The following WWC1 variants were observed in gnomAD, a reference collection of about 807,000 sequenced individuals.
WWC1 encodes the protein protein KIBRA.
In WWC1, 55 loss-of-function variants were observed where a neutral mutation model predicts 138.4. That is an observed-to-expected ratio of 0.40 (90% CI 0.32 to 0.50). The LOEUF is 0.50. WWC1 is among the 20% of genes least tolerant of loss of function. The pLI, the probability that WWC1 is intolerant of heterozygous loss-of-function variation, is 0.72. For missense variants in WWC1, 1,226 were observed against 1,420.4 expected (o/e 0.86, Z 2.20); for synonymous variants, 524 against 564.9 (o/e 0.93, Z 1.03).
chr5:168,307,186 G>A (rs1026969891), intron 1 of WWC1, among the ~76,000 whole-genome samples: 7 of 152,258 alleles, frequency 4.6e-5, no homozygotes, highest in African/African-American at 9.6e-5. Context: ...TGCAGATGAG[G>A]AAATTGAAGC....
At chr5:168,377,051 C>G (rs946013659) in intron 2 of WWC1, among the ~76,000 whole-genome samples, 3 of 152,082 alleles carry the variant, frequency 2.0e-5, no homozygotes, top group African/African-American at 7.2e-5. Flanking sequence ...CTGCAGTATC[C>G]AAAACAGCAT....
rs1554118704 is a variant in WWC1, at chr5:168,465,576, T to TTTTG, written c.3150+614_3150+615insTTTG. On this transcript the variant is annotated intron_variant, in intron 21 of 22. Coordinates refer to ENST00000265293, the MANE Select transcript of WWC1 (RefSeq NM_015238.3). ...TTTTTTTTTTTTTTTTTTTTTTTTTTGGAGATGGGTTTTCTCTCTGTCGCC... is the reference window on the plus strand; with the variant it reads ...TTTTTTTTTTTTTTTTTTTTTTTTTTTTTGGGAGATGGGTTTTCTCTCTGTCGCC... Among the ~76,000 whole-genome samples, 22 of 136,130 alleles carry TTTTG rather than the reference T, an allele frequency of 1.6e-4. 2 individuals are homozygous for TTTTG. The highest frequency in any genetic ancestry group is 5.8e-4 in the African/African-American group (20 of 34,530). The allele number at this position is 136,130 out of a possible 152,430, so 89.3% of individuals were successfully genotyped here. A position where few individuals can be genotyped will look rare whatever the true frequency, so the allele number is the denominator to read the frequency against.
chr5:168,345,404 C>T (rs1774383087), intron 1 of WWC1, among the ~76,000 whole-genome samples: 1 of 152,208 alleles, frequency 6.6e-6, no homozygotes, highest in Admixed American at 6.5e-5. Flanking sequence ...GCCTGAAATC[C>T]TTCCCTTTTA....
At chr5:168,456,468 G>A (rs921785162) in intron 19 of WWC1, among the ~76,000 whole-genome samples, 1 of 152,008 alleles carries the variant, frequency 6.6e-6, no homozygotes, top group Non-Finnish European at 1.5e-5. Context: ...TCCTGTCTCT[G>A]CTAAAAATGC....
At chr5:168,451,077 A>G (rs1297199243) in intron 17 of WWC1, among the ~76,000 whole-genome samples, 1 of 74,456 alleles carries the variant, frequency 1.3e-5, no homozygotes, top group Non-Finnish European at 4.2e-5. Context: ...ATCTCGGCTC[A>G]CTGCAATCTC....
At chr5:168,395,782 A>G (rs921999701) in intron 3 of WWC1, among the ~76,000 whole-genome samples, 47 of 152,236 alleles carry the variant, frequency 3.1e-4, no homozygotes, top group African/African-American at 1.1e-3. Flanking sequence ...CTTTTTCTCC[A>G]TCATCATTAT....
chr5:168,374,500 G>A (rs1342782040), intron 2 of WWC1, among the ~76,000 whole-genome samples: 2 of 152,152 alleles, frequency 1.3e-5, no homozygotes, highest in African/African-American at 4.8e-5. Flanking sequence ...TCCAAGGTGT[G>A]ATCACATTTA....
intron 1 of WWC1, among the ~76,000 whole-genome samples, chr5:168,334,791 G>C (rs1313787998): frequency 6.6e-6 from 1 of 152,260 alleles, no homozygotes; most frequent in Non-Finnish European, 1.5e-5. Context: ...CCAAGAACAA[G>C]GGTTAGGCCC....
At chr5:168,436,914 A>G (rs561632309) in intron 15 of WWC1, among the ~76,000 whole-genome samples, 1 of 152,288 alleles carries the variant, frequency 6.6e-6, no homozygotes, top group Non-Finnish European at 1.5e-5. Context: ...AAATCAGTGC[A>G]TGCCATTCTT....
chr5:168,376,499 C>T (rs1006505992), intron 2 of WWC1, among the ~76,000 whole-genome samples: 56 of 152,182 alleles, frequency 3.7e-4, no homozygotes, highest in Non-Finnish European at 4.4e-5. Flanking sequence ...TATCTCTCTT[C>T]GCTGATGATT....
At chr5:168,305,809 C>G (rs1699407224) in intron 1 of WWC1, among the ~76,000 whole-genome samples, 1 of 152,110 alleles carries the variant, frequency 6.6e-6, no homozygotes, top group African/African-American at 2.4e-5. Flanking sequence ...TGGCCCACCC[C>G]CAAAGATTCT....
rs566647973 is a variant in WWC1 at position 168,431,193 on chromosome 5, A to G, written c.2088-59A>G. The G allele has an allele frequency of 4.0e-6, 6 of 1,491,258 alleles. No individual in the cohort carries two copies. In the African/African-American group the frequency reaches 7.0e-5, roughly 17 times the overall value. 92.4% of individuals were successfully genotyped at this position (1,491,258 alleles called of 1,614,324 possible). On this transcript the variant is annotated intron_variant, in intron 14 of 22. Transcript: ENST00000265293. ...GGGATTTCAGCAGCTGTTTAGTCCA[A>G]CATTTTAGCCCCAGACATGGGCTGA...
intron 1 of WWC1, among the ~76,000 whole-genome samples, chr5:168,335,539 T>C (rs1424390710): frequency 2.0e-5 from 3 of 152,228 alleles, no homozygotes; most frequent in Non-Finnish European, 4.4e-5. Context: ...GACCTCCCAG[T>C]ACACCTGTAC....
At chr5:168,465,357 C>G (rs1456488959) in intron 21 of WWC1, among the ~76,000 whole-genome samples, 1 of 151,986 alleles carries the variant, frequency 6.6e-6, no homozygotes, top group African/African-American at 2.4e-5. Context: ...GGAAGTCCCA[C>G]AGGGCAGCCC....
chr5:168,427,124 T>C (rs1781564209), intron 11 of WWC1, among the ~76,000 whole-genome samples: 1 of 152,148 alleles, frequency 6.6e-6, no homozygotes, highest in African/African-American at 2.4e-5. Flanking sequence ...GTCCTGAGGG[T>C]CCAGGGGCTG....
At chr5:168,306,533 G>A (rs1192153704) in intron 1 of WWC1, among the ~76,000 whole-genome samples, 1 of 152,210 alleles carries the variant, frequency 6.6e-6, no homozygotes, top group Non-Finnish European at 1.5e-5. Context: ...GCCATAATGT[G>A]AAAATCTTCA....
chr5:168,312,107 A>T (rs181626635), intron 1 of WWC1, among the ~76,000 whole-genome samples: 1 of 151,930 alleles, frequency 6.6e-6, no homozygotes, highest in East Asian at 1.9e-4. Flanking sequence ...AATCCCAGCT[A>T]CTCAGAAGGC....
At chr5:168,309,018 C>T (rs1770819201) in intron 1 of WWC1, among the ~76,000 whole-genome samples, 1 of 152,120 alleles carries the variant, frequency 6.6e-6, no homozygotes, top group Admixed American at 6.5e-5. Flanking sequence ...GCCTCAGCAC[C>T]TCCATCCCTC....
intron 1 of WWC1, among the ~76,000 whole-genome samples, chr5:168,299,040 G>A (rs575121187): frequency 3.3e-5 from 5 of 152,308 alleles, no homozygotes; most frequent in African/African-American, 4.8e-5. Context: ...AGCTGAGATC[G>A]CGCCTCTGCA....
Sources: gnomAD v4.1 joint callset for allele counts (sites outside exome capture counted in the v4.1 genomes callset) on GRCh38, gnomAD v4.1.1 for gene constraint, MANE v1.5 for transcripts, NCBI Gene and HGNC (gene_info 2026-07-23, HGNC 2026-07-21) for gene names.